Variants in ADAM32 observed in about 807,000 individuals in gnomAD.
ADAM32 encodes ADAM metallopeptidase domain 32, also known as disintegrin and metalloproteinase domain-containing protein 32.
A neutral mutation model predicts 114.9 loss-of-function variants in ADAM32; 89 were observed. That is an observed-to-expected ratio of 0.77 (90% CI 0.65 to 0.92). ADAM32 has a LOEUF of 0.92. Ranked by LOEUF, ADAM32 falls within the 40% of genes least tolerant of loss-of-function variation. The pLI, the probability that ADAM32 is intolerant of heterozygous loss-of-function variation, is 0.00. For missense variants in ADAM32, 870 were observed against 932.8 expected, an observed-to-expected ratio of 0.93 and a Z score of 0.88; for synonymous variants, 285 against 307.5, an observed-to-expected ratio of 0.93 and a Z score of 0.77.
intron 22 of ADAM32, among the ~76,000 whole-genome samples, chr8:39,279,204 A>G (rs1274426391): frequency 1.3e-5 from 2 of 151,596 alleles, no homozygotes; most frequent in South Asian, 4.2e-4. Flanking sequence ...TCAATTATTG[A>G]CTCTTTCTCA....
intron 17 of ADAM32, among the ~76,000 whole-genome samples, chr8:39,252,539 A>T (rs558310433): frequency 6.6e-6 from 1 of 151,722 alleles, no homozygotes; most frequent in East Asian, 1.9e-4. Context: ...CTAGAAAAAA[A>T]TTGAACAAAC....
At chr8:39,240,745 C>A (rs765729789) in intron 16 of ADAM32, among the ~76,000 whole-genome samples, 2 of 152,130 alleles carry the variant, frequency 1.3e-5, no homozygotes, top group African/African-American at 2.4e-5. Context: ...ATGAGAACAG[C>A]ACAGGAAAGA....
chr8:39,280,513 A>G (rs1434728743), intron 22 of ADAM32, among the ~76,000 whole-genome samples: 1 of 152,184 alleles, frequency 6.6e-6, no homozygotes, highest in Non-Finnish European at 1.5e-5. Context: ...AGGTTTAGAC[A>G]TTTACAGTTA....
chr8:39,223,208 G>A lies in ADAM32; in HGVS notation c.1495G>A (p.Asp499Asn). Residue 499 changes from aspartate (D) to asparagine (N), a missense_variant, in exon 14 of 25, where the codon GAT (aspartate) becomes AAT (asparagine). By Grantham distance (23) the Asp-to-Asn change is conservative. Coordinates refer to ENST00000379907, the MANE Select transcript of ADAM32 (RefSeq NM_145004.7). ...TTATGACGGAGACTGCCATGATCTC[G>A]ATGCACGTTGTGAGAGTGTATTTGG... Reference protein sequence around the residue: ...ICYDGDCHDLDARCESVFGKG... With the variant: ...ICYDGDCHDLNARCESVFGKG... 1 of 1,594,278 alleles carries A rather than the reference G, an allele frequency of 6.3e-7. No homozygotes were observed. Among genetic ancestry groups the A allele is most frequent in the Non-Finnish European group, 8.5e-7 (1 of 1,171,700 alleles).
chr8:39,258,129 G>A (rs1166234787), intron 19 of ADAM32, among the ~76,000 whole-genome samples: 1 of 149,886 alleles, frequency 6.7e-6, no homozygotes, highest in Non-Finnish European at 1.5e-5. Context: ...TGTTTGTTTT[G>A]TCTTTTTTTT....
chr8:39,219,230 G>T (rs1203632243), intron 12 of ADAM32, among the ~76,000 whole-genome samples: 2 of 152,128 alleles, frequency 1.3e-5, no homozygotes, highest in South Asian at 2.1e-4. Flanking sequence ...GCTGGGGGAA[G>T]GATGGCACAA....
At position 39,111,464 on chromosome 8, in the gene ADAM32, G is replaced by A. The variant is rs112528274; in HGVS notation, c.58+3631G>A. Reference sequence around the variant, plus strand: ...AACAAATTGGGAAGAGGCTGGGAATGGTGGCTTATGCTTGTAATCCCAGCA... The same window carrying A: ...AACAAATTGGGAAGAGGCTGGGAATAGTGGCTTATGCTTGTAATCCCAGCA... On this transcript the variant is annotated intron_variant, in intron 1 of 24. Coordinates refer to ENST00000379907, the MANE Select transcript of ADAM32 (RefSeq NM_145004.7). 3.5e-3 allele frequency among the ~76,000 whole-genome samples: 532 copies of A among 152,180 alleles called. 5 individuals carry two copies. The highest frequency in any genetic ancestry group is 0.012 in the African/African-American group (515 of 41,510).
chr8:39,161,448 A>G (rs1263418699), intron 7 of ADAM32, among the ~76,000 whole-genome samples: 1 of 152,190 alleles, frequency 6.6e-6, no homozygotes, highest in African/African-American at 2.4e-5. Context: ...TCCATTGTTT[A>G]CCTGTTGAAA....
At chr8:39,157,963 C>A in intron 6 of ADAM32, 1 of 326,812 alleles carries the variant, frequency 3.1e-6, no homozygotes, top group South Asian at 3.5e-5. Flanking sequence ...ATGCCATGCC[C>A]CAATATAGGC....
chr8:39,187,254 A>C (rs56392075), intron 11 of ADAM32, among the ~76,000 whole-genome samples: 35,914 of 152,132 alleles, frequency 0.24, 4,803 homozygotes, highest in Non-Finnish European at 0.29. Flanking sequence ...ATATATTAGC[A>C]AAAGAATATG....
At chr8:39,109,859 GCCCTACAAAT>G (rs1223952182) in intron 1 of ADAM32, among the ~76,000 whole-genome samples, 1 of 152,146 alleles carries the variant, frequency 6.6e-6, no homozygotes, top group Non-Finnish European at 1.5e-5. Flanking sequence ...TAGTTTCACT[GCCCTACAAAT>G]CCCATGTGTT....
chr8:39,179,686 A>T (rs1337064176), intron 10 of ADAM32, among the ~76,000 whole-genome samples: 2 of 151,982 alleles, frequency 1.3e-5, no homozygotes, highest in Admixed American at 6.6e-5. Context: ...TTAGCTGGGG[A>T]TGTGGGCTTC....
chr8:39,146,411 A>T (rs959176271), intron 3 of ADAM32, among the ~76,000 whole-genome samples: 2 of 138,756 alleles, frequency 1.4e-5, no homozygotes, highest in Non-Finnish European at 3.1e-5. Flanking sequence ...TGTCTATTAA[A>T]TTTTTTTTTT....
At chr8:39,272,367 T>C (rs1252219561) in intron 20 of ADAM32, among the ~76,000 whole-genome samples, 1 of 152,158 alleles carries the variant, frequency 6.6e-6, no homozygotes, top group Non-Finnish European at 1.5e-5. Context: ...AACACAAAGA[T>C]ACATTCTGAG....
intron 16 of ADAM32, among the ~76,000 whole-genome samples, chr8:39,242,281 A>G (rs983932383): frequency 3.3e-5 from 5 of 152,182 alleles, no homozygotes; most frequent in African/African-American, 9.7e-5. Flanking sequence ...TGAGCCCTCC[A>G]AACTGTTCCA....
At chr8:39,203,276 T>C (rs1157218256) in intron 11 of ADAM32, among the ~76,000 whole-genome samples, 2 of 152,194 alleles carry the variant, frequency 1.3e-5, no homozygotes, top group Non-Finnish European at 2.9e-5. Context: ...TAAGTCTCTT[T>C]GTAGGTCTCT....
chr8:39,171,458 C>T (rs1805185150), intron 10 of ADAM32, among the ~76,000 whole-genome samples: 1 of 152,100 alleles, frequency 6.6e-6, no homozygotes, highest in South Asian at 2.1e-4. Context: ...TTATCTGTTA[C>T]TGTAGCTCTC....
At chr8:39,129,805 C>CT in intron 2 of ADAM32, 1 of 307,382 alleles carries the variant, frequency 3.3e-6, no homozygotes. Context: ...CTTGGCCTTT[C>CT]TTTTTGGGAA....
chr8:39,206,384 G>A (rs1301558366), intron 11 of ADAM32, among the ~76,000 whole-genome samples: 3 of 152,198 alleles, frequency 2.0e-5, no homozygotes, highest in African/African-American at 7.2e-5. Flanking sequence ...GGTGCCAGCA[G>A]TGGTGGCAGT....
Sources: allele counts gnomAD v4.1 joint callset (sites outside exome capture counted in the v4.1 genomes callset), GRCh38; gene constraint gnomAD v4.1.1; transcripts MANE v1.5; gene names NCBI Gene and HGNC (gene_info 2026-07-23, HGNC 2026-07-21).